LRP2: variants seen among roughly 807,000 people sequenced by gnomAD.
LRP2 encodes the protein LDL receptor related protein 2.
A neutral mutation model predicts 531.0 loss-of-function variants in LRP2; 172 were observed. That is an observed-to-expected ratio of 0.32 (90% confidence interval 0.29 to 0.37). LRP2 has a LOEUF of 0.37. Among genes scored for constraint, LRP2 ranks in the 10% least tolerant of loss-of-function variants. The pLI, the probability that LRP2 is intolerant of heterozygous loss-of-function variation, is 1.00. For synonymous variants in LRP2, 1,992 were observed against 2,027.6 expected (o/e 0.98, Z 0.47); for missense variants, 5,167 against 5,868.3 (o/e 0.88, Z 3.90).
intron 50 of LRP2, among the ~76,000 whole-genome samples, chr2:169,183,397 T>C (rs1415353188): frequency 1.3e-5 from 2 of 152,200 alleles, no homozygotes; most frequent in Non-Finnish European, 2.9e-5. Context: ...TGGTAGACAC[T>C]AAGAACAGTG....
chr2:169,184,151 T>C (rs1426167751), intron 50 of LRP2, among the ~76,000 whole-genome samples: 1 of 152,088 alleles, frequency 6.6e-6, no homozygotes, highest in East Asian at 1.9e-4. Context: ...GACAATGTCT[T>C]ACAGTTCAAA....
At chr2:169,286,631 C>A (rs1263567501) in intron 9 of LRP2, among the ~76,000 whole-genome samples, 1 of 152,172 alleles carries the variant, frequency 6.6e-6, no homozygotes, top group East Asian at 1.9e-4. Context: ...CCAAGGCTCA[C>A]CACAGACTTA....
intron 5 of LRP2, 148 bp downstream of exon 5, chr2:169,294,452 G>A: frequency 1.3e-6 from 1 of 760,946 alleles, no homozygotes; most frequent in Non-Finnish European, 2.3e-6. Flanking sequence ...GATTTCCAGT[G>A]TGTAAATACT....
chr2:169,358,581 C>G (rs1366230747), intron 1 of LRP2, among the ~76,000 whole-genome samples: 1 of 152,160 alleles, frequency 6.6e-6, no homozygotes, highest in Admixed American at 6.5e-5. Flanking sequence ...AAAAACGATA[C>G]AAGTTTGCTA....
chr2:169,291,038 G>A (rs759704315), intron 7 of LRP2, 41 bp from the exon 8 acceptor site: 1 of 1,593,356 alleles, frequency 6.3e-7, no homozygotes, highest in South Asian at 1.1e-5. Flanking sequence ...CATAGGGGAG[G>A]TACAGCCAGC....
At chr2:169,269,551 A>G (rs1683342072) in intron 16 of LRP2, among the ~76,000 whole-genome samples, 1 of 150,036 alleles carries the variant, frequency 6.7e-6, no homozygotes, top group Admixed American at 6.6e-5. Context: ...GGCTAGCCAT[A>G]TTTAGAAAGC....
chr2:169,196,930 A>C lies in LRP2; in HGVS notation c.8679T>G (p.Ser2893=). 7 of 1,614,216 alleles carry C rather than the reference A, an allele frequency of 4.3e-6. No homozygotes were observed. Among genetic ancestry groups the C allele is most frequent in the Non-Finnish European group, 5.1e-6 (6 of 1,180,026 alleles). The change falls in exon 46 of 79, where the codon TCT becomes TCG. Residue 2893 remains serine, a synonymous_variant. Coordinates refer to ENST00000649046, the MANE Select transcript of LRP2 (RefSeq NM_004525.3). ...TCTTACCACAAGAGGCAGGTTCATC[A>C]GAGGCATCAAAACAATCTGTTTCTT... ...CDQETDCFDA[S]DEPASCGHSE...
rs774803256 is a variant in LRP2 at position 169,282,950 on chromosome 2, C to T, written c.1094G>A (p.Arg365Gln). 11 of 1,614,062 alleles carry T rather than the reference C, an allele frequency of 6.8e-6. No homozygotes were observed. The highest frequency in any genetic ancestry group is 3.3e-5 in the South Asian group (3 of 91,070). The change falls in exon 10 of 79, where the codon CGA (arginine) becomes CAA (glutamine). Residue 365 changes from arginine to glutamine, a missense_variant. Physicochemically the swap from Arg to Gln is conservative, Grantham distance 43. Coordinates refer to ENST00000649046, the MANE Select transcript of LRP2 (RefSeq NM_004525.3). ...ACAGTGGCACAGGTGACGGCCAGGT[C>T]GGCTTTCACACTTCTGGTCACAAAT... ...WGICDQKCES[R>Q]PGRHLCHCEE... is the part of the protein sequence containing the mutation.
Position 169,199,908 on chromosome 2 carries a change from T to C in LRP2, c.8453-997A>G, listed in dbSNP as rs551568401. 3.9e-5 allele frequency among the ~76,000 whole-genome samples: 6 copies of C among 152,294 alleles called. No homozygotes were observed. In the South Asian group the frequency reaches 1.2e-3, roughly 32 times the overall value. ...TAAGAAGAGATGTCATTATAAAATC[T>C]AAAATGTAAACAACCTGTAATCTTA... On this transcript the variant is annotated intron_variant, in intron 44 of 78. Transcript: ENST00000649046.
At position 169,185,932 on chromosome 2, in the gene LRP2, G is replaced by T; in HGVS notation, c.9416C>A (p.Pro3139His). ...CTTGTCAGACATGAGCTTGTAACCAGGACGACAGGAACAATAGAAACTGGT... is the reference window on the plus strand; with the variant it reads ...CTTGTCAGACATGAGCTTGTAACCATGACGACAGGAACAATAGAAACTGGT... ...TLTSFYCSCR[P>H]GYKLMSDKRT... Residue 3139 changes from proline to histidine, a missense_variant, in exon 50 of 79, where the codon CCT (proline) becomes CAT (histidine). Transcript: ENST00000649046. 1.2e-6 allele frequency: 2 copies of T among 1,613,826 alleles called. No homozygotes were observed. The highest frequency in any genetic ancestry group is 2.2e-5 in the South Asian group (2 of 91,040).
chr2:169,246,435 C>T (rs1690006957), intron 21 of LRP2, among the ~76,000 whole-genome samples: 1 of 151,880 alleles, frequency 6.6e-6, no homozygotes, highest in Admixed American at 6.6e-5. Context: ...GAGGAGTTTG[C>T]CAAGACATAA....
Position 169,154,495 on chromosome 2 carries a change from A to G in LRP2, c.12260T>C (p.Val4087Ala). The G allele has an allele frequency of 6.2e-7, 1 of 1,612,976 alleles. No individual in the cohort carries two copies. The change falls in exon 66 of 79, where the codon GTT (valine) becomes GCT (alanine). Residue 4087 changes from valine to alanine, a missense_variant. By Grantham distance (64) the Val-to-Ala change is moderately conservative. This residue lies in a region of LRP2 where 564 missense variants were observed against 747.7 expected (regional missense o/e 0.75). Transcript: ENST00000649046. Reference sequence around the variant, plus strand: ...GTCCTTGGGATCCCAATCATAATCAACAGCTTGGATATATTCCTCATCTTG... The same window carrying G: ...GTCCTTGGGATCCCAATCATAATCAGCAGCTTGGATATATTCCTCATCTTG... ...YLQDEEYIQA[V>A]DYDWDPKDIG...
chr2:169,224,250 T>C (rs1689121619), intron 33 of LRP2, among the ~76,000 whole-genome samples: 2 of 152,248 alleles, frequency 1.3e-5, no homozygotes, highest in African/African-American at 4.8e-5. Context: ...GTCAGGGCTC[T>C]GCTAACTATC....
In LRP2 at chr2:169,135,274, C is replaced by G. The variant is rs115324278; in HGVS notation, c.13620+2118G>C. On this transcript the variant is annotated intron_variant, in intron 76 of 78. Transcript: ENST00000649046. ...CAGGCCCCCTCCCTTCCCTACACCT[C>G]AAGCTCGGGGTTTTTCCCCCGCCCA... Among the ~76,000 whole-genome samples, 420 of 152,300 alleles carry G rather than the reference C, an allele frequency of 2.8e-3. 3 individuals carry two copies. Among genetic ancestry groups the G allele is most frequent in the African/African-American group, 9.0e-3 (373 of 41,556 alleles).
Position 169,320,877 on chromosome 2 carries a change from G to T in LRP2, c.87C>A (p.Asp29Glu). Residue 29 changes from aspartate to glutamate, a missense_variant, in exon 2 of 79, where the codon GAC becomes GAA. Coordinates refer to ENST00000649046, the MANE Select transcript of LRP2 (RefSeq NM_004525.3). ...CLAPASGQEC[D>E]SAHFRCGSGH... is the part of the protein sequence containing the mutation. ...CACTTCCACAGCGAAAATGCGCACT[G>T]TCACATTCTGCAATAATAGACAGAA... 1 of 1,610,296 alleles carries T rather than the reference G, an allele frequency of 6.2e-7. No individual in the cohort carries two copies. The highest frequency in any genetic ancestry group is 8.5e-7 in the Non-Finnish European group (1 of 1,176,550).
At chr2:169,244,546 A>T in intron 22 of LRP2, 147 bp downstream of exon 22, 1 of 1,087,348 alleles carries the variant, frequency 9.2e-7, no homozygotes. Flanking sequence ...CTTGTAACCT[A>T]TTGACACAGA....
chr2:169,345,583 C>T (rs896967965), intron 1 of LRP2, among the ~76,000 whole-genome samples: 4 of 152,056 alleles, frequency 2.6e-5, no homozygotes, highest in Admixed American at 2.6e-4. Flanking sequence ...TGTGGCTACA[C>T]AAATATATAC....
At chr2:169,182,130 G>C (rs766596694) in intron 51 of LRP2, 37 bp downstream of exon 51, 106 of 1,612,800 alleles carry the variant, frequency 6.6e-5, no homozygotes, top group Non-Finnish European at 8.6e-5. Context: ...AGAAGAAGGA[G>C]GTGAAAGAAA....
chr2:169,165,152 A>G (rs148886819), intron 62 of LRP2, among the ~76,000 whole-genome samples: 13 of 152,340 alleles, frequency 8.5e-5, no homozygotes, highest in African/African-American at 2.6e-4. Flanking sequence ...GACCACATCA[A>G]TACAAGAAAT....
Sources: allele counts gnomAD v4.1 joint callset (sites outside exome capture counted in the v4.1 genomes callset), GRCh38; gene constraint gnomAD v4.1.1; regional missense constraint gnomAD v4.1.1; transcripts MANE v1.5; gene names NCBI Gene and HGNC (gene_info 2026-07-23, HGNC 2026-07-21).